SLC14A2: variants seen among roughly 807,000 people sequenced by gnomAD.
SLC14A2 encodes the protein urea transporter 2.
SLC14A2 carries 91 observed loss-of-function variants against 104.6 expected under a neutral mutation model. The observed-to-expected ratio is 0.87, with a 90% CI of 0.73 to 1.04. The LOEUF (loss-of-function observed/expected upper bound fraction) is 1.04, where lower values mean the gene tolerates loss of function less well. SLC14A2 is among the 50% of genes least tolerant of loss of function. SLC14A2 has a pLI of 0.00. For missense variants in SLC14A2, 1,189 were observed against 1,156.0 expected (o/e 1.03, Z -0.41); for synonymous variants, 476 against 466.4 (o/e 1.02, Z -0.27).
chr18:45,607,703 C>A (rs144468729), intron 2 of SLC14A2, among the ~76,000 whole-genome samples: 6 of 152,284 alleles, frequency 3.9e-5, no homozygotes, highest in African/African-American at 1.4e-4. Flanking sequence ...GGACAGGAAT[C>A]CAGGAGGAGC....
chr18:45,188,199 T>C, the SLC14A2 span, among the ~76,000 whole-genome samples: 2 of 152,216 alleles, frequency 1.3e-5, no homozygotes, highest in Admixed American at 6.5e-5. Context: ...ACCAAAAATA[T>C]AGTTTGAAGG....
intron 2 of SLC14A2, among the ~76,000 whole-genome samples, chr18:45,497,676 A>G (rs2043123995): frequency 6.6e-6 from 1 of 152,204 alleles, no homozygotes; most frequent in Non-Finnish European, 1.5e-5. Context: ...AACAACCAGT[A>G]GGCATGGTGT....
chr18:45,338,607 C>T (rs2085359862), intron 1 of SLC14A2, among the ~76,000 whole-genome samples: 1 of 148,248 alleles, frequency 6.7e-6, no homozygotes, highest in Non-Finnish European at 1.5e-5. Context: ...CAATGTGTAA[C>T]CTCACCACGA....
intron 3 of SLC14A2, 69 bp downstream of exon 3, chr18:45,625,932 T>G (rs1012200745): frequency 2.4e-6 from 3 of 1,231,976 alleles, no homozygotes; most frequent in Non-Finnish European, 3.2e-6. Context: ...CTCTCCGGTT[T>G]GGTCCAAAGC....
chr18:45,391,495 C>A (rs550939709), intron 1 of SLC14A2, among the ~76,000 whole-genome samples: 2 of 152,162 alleles, frequency 1.3e-5, no homozygotes, highest in Non-Finnish European at 2.9e-5. Flanking sequence ...CCTGAGGAAT[C>A]GCCCCACTGA....
At chr18:45,214,585 G>T (rs1026152058) in intron 1 of SLC14A2, among the ~76,000 whole-genome samples, 5 of 152,014 alleles carry the variant, frequency 3.3e-5, no homozygotes, top group African/African-American at 9.7e-5. Context: ...GGTCTTTATC[G>T]ATAATTTTAT....
At chr18:45,580,465 C>A (rs780199513) in intron 2 of SLC14A2, among the ~76,000 whole-genome samples, 27 of 152,092 alleles carry the variant, frequency 1.8e-4, no homozygotes, top group Non-Finnish European at 3.5e-4. Flanking sequence ...GAGGTGGTTA[C>A]TTCAGAGGAG....
intron 1 of SLC14A2, among the ~76,000 whole-genome samples, chr18:45,443,684 A>G (rs943253518): frequency 1.3e-5 from 2 of 152,112 alleles, no homozygotes; most frequent in Admixed American, 6.6e-5. Flanking sequence ...TCTAGTTTCT[A>G]TGGCTAGCCT....
At chr18:45,621,294 T>C (rs749281212) in intron 1 of SLC14A2, among the ~76,000 whole-genome samples, 1 of 152,190 alleles carries the variant, frequency 6.6e-6, no homozygotes, top group Non-Finnish European at 1.5e-5. Flanking sequence ...AGGGTCAGAA[T>C]ACAAGGAAAG....
chr18:45,666,876 A>C, intron 12 of SLC14A2, 59 bp from the exon 13 acceptor site: 1 of 1,449,992 alleles, frequency 6.9e-7, no homozygotes, highest in South Asian at 1.2e-5. Context: ...ACAAACATGA[A>C]TTCTCAGTGT....
chr18:45,647,896 T>C (rs2045649625), intron 10 of SLC14A2: 1 of 152,132 alleles, frequency 6.6e-6, no homozygotes. Flanking sequence ...AAGTACCTGA[T>C]TGATTTTGGA....
At chr18:45,408,083 A>G (rs1288224965) in intron 1 of SLC14A2, among the ~76,000 whole-genome samples, 3 of 152,202 alleles carry the variant, frequency 2.0e-5, no homozygotes, top group Admixed American at 2.0e-4. Flanking sequence ...AAGTGCAATC[A>G]AACAAGGTAT....
At chr18:45,534,060 T>C (rs1433278553) in intron 2 of SLC14A2, among the ~76,000 whole-genome samples, 2 of 152,198 alleles carry the variant, frequency 1.3e-5, no homozygotes, top group African/African-American at 2.4e-5. Context: ...TTCTTAAGCT[T>C]TTGTGCTTCC....
At chr18:45,299,560 C>T (rs1413654962) in intron 1 of SLC14A2, among the ~76,000 whole-genome samples, 2 of 152,208 alleles carry the variant, frequency 1.3e-5, no homozygotes, top group Non-Finnish European at 2.9e-5. Flanking sequence ...CTCCCGGGTT[C>T]AAGTGATTCT....
intron 2 of SLC14A2, among the ~76,000 whole-genome samples, chr18:45,563,676 T>C (rs1036727886): frequency 6.6e-6 from 1 of 152,260 alleles, no homozygotes; most frequent in African/African-American, 2.4e-5. Context: ...GTCTATCTTT[T>C]ACCAAACTGC....
At chr18:45,175,410 A>G in the SLC14A2 span, among the ~76,000 whole-genome samples, 2 of 139,988 alleles carry the variant, frequency 1.4e-5, no homozygotes. Flanking sequence ...GGGGTAAGAA[A>G]ACGTTTAAAA....
chr18:45,181,644 ATAAAC>A, the SLC14A2 span, among the ~76,000 whole-genome samples: 1 of 152,238 alleles, frequency 6.6e-6, no homozygotes, highest in Non-Finnish European at 1.5e-5. Context: ...TTAATTTCAG[ATAAAC>A]TAAAATTAAA....
intron 2 of SLC14A2, among the ~76,000 whole-genome samples, chr18:45,607,514 T>C (rs2044891758): frequency 6.6e-6 from 1 of 152,202 alleles, no homozygotes; most frequent in Non-Finnish European, 1.5e-5. Flanking sequence ...TTTTCCTCCA[T>C]AAAAAGTATA....
chr18:45,278,584 TGTGCC>T (rs1448129842), intron 1 of SLC14A2, among the ~76,000 whole-genome samples: 1 of 152,194 alleles, frequency 6.6e-6, no homozygotes, highest in Non-Finnish European at 1.5e-5. Context: ...TATGAAGTGC[TGTGCC>T]AATACAGTCA....
Sources: allele counts gnomAD v4.1 joint callset (sites outside exome capture counted in the v4.1 genomes callset), GRCh38; gene constraint gnomAD v4.1.1; transcripts MANE v1.5; gene names NCBI Gene and HGNC (gene_info 2026-07-23, HGNC 2026-07-21).